Variants in KIRREL3 observed in about 807,000 individuals in gnomAD.
The protein encoded by KIRREL3 is kin of IRRE-like protein 3.
KIRREL3 carries 36 observed loss-of-function variants against 89.7 expected under a neutral mutation model. That is an observed-to-expected ratio of 0.40 (90% confidence interval 0.31 to 0.53). KIRREL3 has a LOEUF of 0.53. Among genes scored for constraint, KIRREL3 ranks in the 20% least tolerant of loss-of-function variants. The probability of loss-of-function intolerance (pLI) is 0.49; values close to 1 mark genes in which losing one functional copy is unlikely to be tolerated. For missense variants in KIRREL3, 864 were observed against 1,056.6 expected, an observed-to-expected ratio of 0.82 and a Z score of 2.53; for synonymous variants, 445 against 441.4, an observed-to-expected ratio of 1.01 and a Z score of -0.10.
intron 1 of KIRREL3, among the ~76,000 whole-genome samples, chr11:126,858,743 C>G (rs984986422): frequency 6.6e-6 from 1 of 152,188 alleles, no homozygotes; most frequent in South Asian, 2.1e-4. Context: ...TGTGCAGAGA[C>G]AGCTGATAGG....
intron 1 of KIRREL3, among the ~76,000 whole-genome samples, chr11:126,874,713 G>C (rs909871252): frequency 6.6e-6 from 1 of 152,140 alleles, no homozygotes; most frequent in Non-Finnish European, 1.5e-5. Context: ...ACTTAAACTG[G>C]CACACTTTCC....
rs1292313674 is a variant in KIRREL3, at chr11:126,443,757, T to C, written c.1252+1222A>G. Among the ~76,000 whole-genome samples the C allele has an allele frequency of 6.6e-6, 1 of 152,092 alleles. No homozygotes were observed. Among genetic ancestry groups the C allele is most frequent in the Non-Finnish European group, 1.5e-5 (1 of 68,008 alleles). The stretch of plus-strand genomic sequence containing the variant: ...AGAGAGGAAGCTGAAGCCCACGAGC[T>C]AATTTGGAGACCTCAGGAGGGCCCT... On this transcript the variant is annotated intron_variant, in intron 10 of 16. Transcript: ENST00000525144. This position sits in a 1 kb window ranked among gnomAD's most constrained non-coding sequence, Gnocchi z 7.3.
intron 1 of KIRREL3, among the ~76,000 whole-genome samples, chr11:126,899,705 A>G (rs1411202148): frequency 2.0e-5 from 3 of 152,242 alleles, no homozygotes; most frequent in Non-Finnish European, 4.4e-5. Context: ...AGGGCTGAGC[A>G]GGAAGGTTGA....
At chr11:126,679,069 A>T (rs991582225) in intron 1 of KIRREL3, among the ~76,000 whole-genome samples, 2 of 152,204 alleles carry the variant, frequency 1.3e-5, no homozygotes, top group Non-Finnish European at 2.9e-5. Flanking sequence ...ACAAAATGGC[A>T]AGTCACATTA....
chr11:126,797,261 G>C lies in KIRREL3; in HGVS notation c.55+203194C>G, dbSNP rs1007960296. 1.3e-5 allele frequency among the ~76,000 whole-genome samples: 2 copies of C among 152,184 alleles called. No homozygotes were observed. The highest frequency in any genetic ancestry group is 2.4e-5 in the African/African-American group (1 of 41,444). On this transcript the variant is annotated intron_variant, in intron 1 of 16. Coordinates refer to ENST00000525144, the MANE Select transcript of KIRREL3 (RefSeq NM_032531.4). This position sits in a 1 kb window ranked among gnomAD's most constrained non-coding sequence, Gnocchi z 4.9. Reference sequence around the variant, plus strand: ...ACCTCTGCCACTTATTGACCTCTCTGAGACTCAATTTCTCATCTATGAAAT... The same window carrying C: ...ACCTCTGCCACTTATTGACCTCTCTCAGACTCAATTTCTCATCTATGAAAT...
At chr11:126,818,315 A>G (rs1951650567) in intron 1 of KIRREL3, among the ~76,000 whole-genome samples, 1 of 152,150 alleles carries the variant, frequency 6.6e-6, no homozygotes, top group Admixed American at 6.5e-5. Context: ...AGAGTGAAGA[A>G]AGTAAGTGAT....
intron 1 of KIRREL3, among the ~76,000 whole-genome samples, chr11:126,937,794 G>C (rs1047405399): frequency 6.6e-6 from 1 of 152,236 alleles, no homozygotes; most frequent in Non-Finnish European, 1.5e-5. Context: ...AGCTGCTCGG[G>C]AGGCTGAGGC....
At chr11:126,963,905 A>T (rs1409692317) in intron 1 of KIRREL3, among the ~76,000 whole-genome samples, 1 of 152,162 alleles carries the variant, frequency 6.6e-6, no homozygotes, top group African/African-American at 2.4e-5. Context: ...AAATTTGCAC[A>T]TGTCCCATTT....
rs2134706876 is a variant in KIRREL3 at position 126,879,885 on chromosome 11, C to T, written c.55+120570G>A. Among the ~76,000 whole-genome samples, 1 of 152,282 alleles carries T rather than the reference C, an allele frequency of 6.6e-6. No individual in the cohort carries two copies. The highest frequency in any genetic ancestry group is 1.9e-4 in the East Asian group (1 of 5,182). ...AGTGGTTAGCCTGCTTTTGTGCTCCCATTTCAGAACAGACCATTCCCCCAC... is the reference window on the plus strand; with the variant it reads ...AGTGGTTAGCCTGCTTTTGTGCTCCTATTTCAGAACAGACCATTCCCCCAC... On this transcript the variant is annotated intron_variant, in intron 1 of 16. Coordinates refer to ENST00000525144, the MANE Select transcript of KIRREL3 (RefSeq NM_032531.4). This position sits in a 1 kb window ranked among gnomAD's most constrained non-coding sequence, Gnocchi z 5.4.
chr11:126,975,395 G>T (rs751298445), intron 1 of KIRREL3, among the ~76,000 whole-genome samples: 4 of 152,110 alleles, frequency 2.6e-5, no homozygotes, highest in South Asian at 2.1e-4. Context: ...TTCTTGCAAG[G>T]TTCTTTCTCC....
intron 5 of KIRREL3, among the ~76,000 whole-genome samples, chr11:126,466,277 C>T (rs1158342879): frequency 1.3e-5 from 2 of 152,256 alleles, no homozygotes; most frequent in African/African-American, 2.4e-5. Context: ...GTTCATTAAA[C>T]AAAAGGAGGG....
intron 1 of KIRREL3, among the ~76,000 whole-genome samples, chr11:126,658,756 G>A (rs560962564): frequency 3.9e-5 from 6 of 151,976 alleles, no homozygotes; most frequent in Non-Finnish European, 8.8e-5. Flanking sequence ...CTGCTCCTCC[G>A]CCAGACCCTG....
rs1358189764 is a variant in KIRREL3, at chr11:126,851,124, T to TG, written c.55+149330dup. On this transcript the variant is annotated intron_variant, in intron 1 of 16. Transcript: ENST00000525144. Reference sequence around the variant, plus strand: ...AAAGAATTCTGTATAAAGAAGGCTTTGATCTCAGATCATTCTGCCAATGTC... The same window carrying TG: ...AAAGAATTCTGTATAAAGAAGGCTTTGGATCTCAGATCATTCTGCCAATGTC... 2.6e-5 allele frequency among the ~76,000 whole-genome samples: 4 copies of TG among 152,320 alleles called. No individual in the cohort carries two copies. The East Asian group carries it at 7.7e-4, about 29-fold the overall frequency.
chr11:126,801,859 C>CA (rs1300999368), intron 1 of KIRREL3, among the ~76,000 whole-genome samples: 1 of 152,112 alleles, frequency 6.6e-6, no homozygotes, highest in African/African-American at 2.4e-5. Context: ...CGCGTGATCC[C>CA]AGGAGTTCAA....
chr11:126,452,087 C>G (rs984653566), intron 7 of KIRREL3, among the ~76,000 whole-genome samples: 1 of 152,158 alleles, frequency 6.6e-6, no homozygotes, highest in East Asian at 1.9e-4. Flanking sequence ...CGAGAGACGA[C>G]TGTTTCTTGG....
intron 15 of KIRREL3, among the ~76,000 whole-genome samples, chr11:126,426,930 G>A (rs35458154): frequency 0.013 from 2,007 of 152,312 alleles, 18 homozygotes; most frequent in Non-Finnish European, 0.023. Context: ...CCTTCTTGCA[G>A]ATGGGGCTGT....
Position 126,764,780 on chromosome 11 carries a change from A to G in KIRREL3, c.56-201868T>C, listed in dbSNP as rs1390810588. Among the ~76,000 whole-genome samples the G allele has an allele frequency of 1.3e-5, 2 of 152,194 alleles. No individual in the cohort carries two copies. Among genetic ancestry groups the G allele is most frequent in the African/African-American group, 4.8e-5 (2 of 41,448 alleles). ...GCCTGTGCTGTAAGCCTCCGGGGCCATATAAACGCGGCTATTTTCACAGTC... is the reference window on the plus strand; with the variant it reads ...GCCTGTGCTGTAAGCCTCCGGGGCCGTATAAACGCGGCTATTTTCACAGTC... On this transcript the variant is annotated intron_variant, in intron 1 of 16. Coordinates refer to ENST00000525144, the MANE Select transcript of KIRREL3 (RefSeq NM_032531.4). The surrounding 1 kb of genome is among the most constrained non-coding windows in gnomAD (Gnocchi z 4.2).
intron 1 of KIRREL3, among the ~76,000 whole-genome samples, chr11:126,979,929 GA>G (rs1241436551): frequency 6.6e-6 from 1 of 152,168 alleles, no homozygotes; most frequent in African/African-American, 2.4e-5. Flanking sequence ...GAGATGATAT[GA>G]AAAATTTTAA....
rs148519139 is a variant in KIRREL3 at position 126,603,797 on chromosome 11, T to G, written c.56-40885A>C. Among the ~76,000 whole-genome samples, 711 of 152,332 alleles carry G rather than the reference T, an allele frequency of 4.7e-3. 4 individuals carry two copies. The highest frequency in any genetic ancestry group is 0.017 in the African/African-American group (688 of 41,570). The stretch of plus-strand genomic sequence containing the variant: ...TGGTAGCTCCGGATTGACCAGGGTT[T>G]CTGATGGGAAGGGATGTATGGGAGA... On this transcript the variant is annotated intron_variant, in intron 1 of 16. Coordinates refer to ENST00000525144, the MANE Select transcript of KIRREL3 (RefSeq NM_032531.4).
Sources: allele counts gnomAD v4.1 joint callset (sites outside exome capture counted in the v4.1 genomes callset), GRCh38; gene constraint gnomAD v4.1.1; non-coding constraint Gnocchi (gnomAD v3.1); transcripts MANE v1.5; gene names NCBI Gene and HGNC (gene_info 2026-07-23, HGNC 2026-07-21).